Variants in DLGAP2 observed in about 807,000 individuals in gnomAD.
The protein encoded by DLGAP2 is DLG associated protein 2.
In DLGAP2, 26 loss-of-function variants were observed where a neutral mutation model predicts 100.3. That is an observed-to-expected ratio of 0.26 (90% CI 0.19 to 0.36). The LOEUF (loss-of-function observed/expected upper bound fraction) is 0.36. Among genes scored for constraint, DLGAP2 ranks in the 10% least tolerant of loss-of-function variants. The pLI, the probability that DLGAP2 is intolerant of heterozygous loss-of-function variation, is 1.00. For synonymous variants in DLGAP2, 886 were observed against 630.1 expected, an observed-to-expected ratio of 1.41 and a Z score of -6.08; for missense variants, 1,858 against 1,453.2, an observed-to-expected ratio of 1.28 and a Z score of -4.53.
At chr8:1,074,249 A>G (rs528649155) in intron 2 of DLGAP2, among the ~76,000 whole-genome samples, 1 of 150,972 alleles carries the variant, frequency 6.6e-6, no homozygotes, top group East Asian at 1.9e-4. Context: ...CTGTAACAGA[A>G]GGGTTTGCAG....
rs115442601 is a variant in DLGAP2, at chr8:911,335, G to A, written c.73+3369G>A. ...GGATGCGTGTATATGTTGGAAGGAC[G>A]CATGTATAACGTACATTGGGAGGAT... On this transcript the variant is annotated intron_variant, in intron 2 of 14. Transcript: ENST00000637795. Among the ~76,000 whole-genome samples the A allele has an allele frequency of 4.1e-3, 622 of 151,316 alleles. 4 individuals carry two copies. The highest frequency in any genetic ancestry group is 0.014 in the African/African-American group (592 of 41,244).
rs1177522560 is a variant in DLGAP2, at chr8:1,702,455, T to C, written c.*1049T>C. The C allele has an allele frequency of 6.6e-6, 1 of 152,652 alleles. No individual in the cohort carries two copies. The highest frequency in any genetic ancestry group is 2.4e-5 in the African/African-American group (1 of 41,454). 9.5% of individuals were successfully genotyped at this position (152,652 alleles called of 1,614,324 possible). A position where few individuals can be genotyped will look rare whatever the true frequency, so the allele number is the denominator to read the frequency against. The stretch of plus-strand genomic sequence containing the variant: ...AAGAAATATGAATGTGAGTGGTAAG[T>C]ATATCTCAGTTTAAATGGTAAAGAA... On this transcript the variant is annotated 3_prime_UTR_variant, in exon 15 of 15. Transcript: ENST00000637795.
At chr8:1,592,365 A>C (rs1359035192) in intron 6 of DLGAP2, among the ~76,000 whole-genome samples, 1 of 152,136 alleles carries the variant, frequency 6.6e-6, no homozygotes, top group Non-Finnish European at 1.5e-5. Context: ...ATCCCTTTCT[A>C]ACATCTTTAT....
At chr8:1,110,105 CA>C (rs1178131965) in intron 2 of DLGAP2, among the ~76,000 whole-genome samples, 1 of 131,728 alleles carries the variant, frequency 7.6e-6, no homozygotes. Context: ...GTGAGGTGTG[CA>C]TGGGTCTGTG....
intron 2 of DLGAP2, among the ~76,000 whole-genome samples, chr8:1,195,621 A>G (rs1253613708): frequency 2.0e-5 from 3 of 152,194 alleles, no homozygotes. Context: ...TTATGTAAAA[A>G]TTTCTGTAAT....
At chr8:819,393 A>G (rs777457050) in intron 1 of DLGAP2, among the ~76,000 whole-genome samples, 2 of 152,236 alleles carry the variant, frequency 1.3e-5, no homozygotes, top group Non-Finnish European at 2.9e-5. Flanking sequence ...AGATATGATC[A>G]GAAACTCAAC....
rs370717364 is a variant in DLGAP2 at position 1,678,238 on chromosome 8, C to T, written c.2313C>T (p.Asn771=). 9.9e-6 allele frequency: 16 copies of T among 1,613,188 alleles called. No homozygotes were observed. Among genetic ancestry groups the T allele is most frequent in the African/African-American group, 1.3e-5 (1 of 74,922 alleles). ...EKRHGRFKRS[N]SVTAAVQADL... ...GACACGGACGTTTTAAACGTTCTAA[C>T]AGCGTCACGGCCGCCGTCCAAGCTG... The change falls in exon 12 of 15, where the codon AAC becomes AAT. Residue 771 remains asparagine (N), a synonymous_variant. Coordinates refer to ENST00000637795, the MANE Select transcript of DLGAP2 (RefSeq NM_001346810.2).
At chr8:776,437 G>A (rs1821517350) in intron 1 of DLGAP2, among the ~76,000 whole-genome samples, 1 of 152,064 alleles carries the variant, frequency 6.6e-6, no homozygotes, top group African/African-American at 2.4e-5. Context: ...TTTGAATTGT[G>A]ATGTTAGGGT....
At position 1,344,120 on chromosome 8, in the gene DLGAP2, G is replaced by GT. The variant is rs1311791709; in HGVS notation, c.106+85237_106+85238insT. On this transcript the variant is annotated intron_variant, in intron 3 of 14. Transcript: ENST00000637795. ...CCTGTCGTGGGTCCATGTATTCGGG[G>GT]CCCTGTCGTGGGTCCGTGTACTCGG... Among the ~76,000 whole-genome samples the GT allele has an allele frequency of 3.7e-5, 4 of 109,556 alleles. 1 individual carries two copies. The highest frequency in any genetic ancestry group is 8.6e-5 in the Non-Finnish European group (4 of 46,312). 71.9% of individuals were successfully genotyped at this position (109,556 alleles called of 152,430 possible). A position where few individuals can be genotyped will look rare whatever the true frequency, so the allele number is the denominator to read the frequency against.
intron 1 of DLGAP2, chr8:891,177 G>C (rs1798027931): frequency 6.6e-6 from 1 of 152,552 alleles, no homozygotes; most frequent in South Asian, 2.1e-4. Flanking sequence ...CCAGGCCACA[G>C]GTGTGATTGA....
At chr8:1,187,823 C>A (rs1797544480) in intron 2 of DLGAP2, among the ~76,000 whole-genome samples, 1 of 127,230 alleles carries the variant, frequency 7.9e-6, no homozygotes. Flanking sequence ...CCCGGGACTT[C>A]CGTGATGTTT....
At chr8:812,480 A>G (rs555296215) in intron 1 of DLGAP2, among the ~76,000 whole-genome samples, 3 of 152,328 alleles carry the variant, frequency 2.0e-5, no homozygotes, top group Admixed American at 2.0e-4. Context: ...GTAAAATTGA[A>G]GAAAGGGTGG....
intron 3 of DLGAP2, among the ~76,000 whole-genome samples, chr8:1,430,013 T>TATATATATATATATATATATATATAC (rs1170347980): frequency 2.6e-5 from 2 of 76,070 alleles, no homozygotes; most frequent in Non-Finnish European, 5.5e-5. Flanking sequence ...TATACATATA[T>TATATATATATATATATATATATATAC]ATATATATAT....
chr8:977,385 G>T (rs1357768811), intron 2 of DLGAP2, among the ~76,000 whole-genome samples: 1 of 152,238 alleles, frequency 6.6e-6, no homozygotes, highest in African/African-American at 2.4e-5. Context: ...ATGTGCAAAT[G>T]AGTGGATTAG....
At chr8:1,034,713 C>T (rs1422176888) in intron 2 of DLGAP2, among the ~76,000 whole-genome samples, 1 of 7,780 alleles carries the variant, frequency 1.3e-4, no homozygotes, top group Non-Finnish European at 2.3e-4. Context: ...CGCGTGTCAC[C>T]GCGAGTGGAC....
chr8:1,110,017 T>G (rs1804896658), intron 2 of DLGAP2, among the ~76,000 whole-genome samples: 1 of 132,244 alleles, frequency 7.6e-6, no homozygotes. Context: ...ATGTGCTGGG[T>G]CTGTGAGGTG....
intron 5 of DLGAP2, among the ~76,000 whole-genome samples, chr8:1,557,044 G>A (rs1801989406): frequency 6.6e-6 from 1 of 152,126 alleles, no homozygotes; most frequent in African/African-American, 2.4e-5. Context: ...CGGGGGTGGG[G>A]GCTGGGAGAC....
At chr8:1,629,671 C>G (rs761357341) in intron 7 of DLGAP2, among the ~76,000 whole-genome samples, 2 of 152,176 alleles carry the variant, frequency 1.3e-5, no homozygotes, top group Non-Finnish European at 2.9e-5. Context: ...TGGATATAAC[C>G]TAGTTTACCA....
chr8:1,552,544 G>C (rs1367351791), intron 5 of DLGAP2, among the ~76,000 whole-genome samples: 1 of 152,206 alleles, frequency 6.6e-6, no homozygotes, highest in Non-Finnish European at 1.5e-5. Context: ...GTGCAGGGCT[G>C]TCCCTTCCTG....
Sources: gnomAD v4.1 joint callset for allele counts (sites outside exome capture counted in the v4.1 genomes callset) on GRCh38, gnomAD v4.1.1 for gene constraint, MANE v1.5 for transcripts, NCBI Gene and HGNC (gene_info 2026-07-23, HGNC 2026-07-21) for gene names.